DPEP3: variants seen among roughly 807,000 people sequenced by gnomAD.
The protein encoded by DPEP3 is membrane-bound dipeptidase 3.
A neutral mutation model predicts 47.5 loss-of-function variants in DPEP3; 42 were observed. That is an observed-to-expected ratio of 0.88 (90% CI 0.69 to 1.14). DPEP3 has a LOEUF of 1.14. DPEP3 is among the 50% of genes most tolerant of loss of function. The pLI, the probability that DPEP3 is intolerant of heterozygous loss-of-function variation, is 0.00. For synonymous variants in DPEP3, 276 were observed against 270.2 expected (o/e 1.02, Z -0.21); for missense variants, 560 against 635.0 (o/e 0.88, Z 1.27).
Position 67,980,371 on chromosome 16 carries a change from T to C in DPEP3, c.10A>G (p.Thr4Ala). MQP[T>A]GREGSRALSR... The stretch of plus-strand genomic sequence containing the variant: ...AGCGCGCGGGAACCCTCGCGGCCCG[T>C]GGGCTGCATGTTGCGCGGGGGTCGG... Residue 4 changes from threonine (T) to alanine (A), a missense_variant, in exon 1 of 10, where the codon ACG (threonine) becomes GCG (alanine). Transcript: ENST00000268793. 1 of 1,535,304 alleles carries C rather than the reference T, an allele frequency of 6.5e-7. No homozygotes were observed. The highest frequency in any genetic ancestry group is 1.4e-5 in the African/African-American group (1 of 72,210).
At chr16:67,979,555 C>A in intron 2 of DPEP3, 84 bp downstream of exon 2, 1 of 1,574,518 alleles carries the variant, frequency 6.4e-7, no homozygotes. Flanking sequence ...TATTTAGTCA[C>A]CCAGAGGCTG....
chr16:67,977,623 C>G (rs778206541), intron 6 of DPEP3, 30 bp downstream of exon 6: 5 of 1,595,360 alleles, frequency 3.1e-6, no homozygotes, highest in Non-Finnish European at 2.6e-6. Context: ...ATAACACATG[C>G]CTAGTTTGAG....
Position 67,978,403 on chromosome 16 carries a change from T to G in DPEP3, c.550A>C (p.Asn184His). The change falls in exon 4 of 10, where the codon AAC (asparagine) becomes CAC (histidine). Residue 184 changes from asparagine to histidine, a missense_variant. Physicochemically the swap from Asn to His is moderately conservative, Grantham distance 68. Transcript: ENST00000268793. This position sits in a 1 kb window ranked among gnomAD's most constrained non-coding sequence, Gnocchi z 4.4. ...LELVTSAEGL[N>H]SSQKLACLIG... ...AGGCAGGCCAGCTTTTGAGAGCTGT[T>G]CAGACCTAGAAGGAGGTAGAGAGTC... is the stretch of plus-strand genomic sequence containing the variant. 1.9e-6 allele frequency: 3 copies of G among 1,613,998 alleles called. No individual in the cohort carries two copies. The highest frequency in any genetic ancestry group is 2.5e-6 in the Non-Finnish European group (3 of 1,179,890).
Position 67,978,733 on chromosome 16 carries a change from C to A in DPEP3, c.415-107G>T. On this transcript the variant is annotated intron_variant, in intron 2 of 9. Coordinates refer to ENST00000268793, the MANE Select transcript of DPEP3 (RefSeq NM_001370198.1). This position sits in a 1 kb window ranked among gnomAD's most constrained non-coding sequence, Gnocchi z 4.4. ...TAACACCCATTTGGGTCAGTGGCCC[C>A]AAGTGAGGCACTACATGACTCCATG... 7.5e-7 allele frequency: 1 copy of A among 1,325,582 alleles called. No homozygotes were observed. The highest frequency in any genetic ancestry group is 1.0e-6 in the Non-Finnish European group (1 of 954,052). 82.1% of individuals were successfully genotyped at this position (1,325,582 alleles called of 1,614,324 possible). A position where few individuals can be genotyped will look rare whatever the true frequency, so the allele number is the denominator to read the frequency against.
Position 67,975,985 on chromosome 16 carries a change from C to T in DPEP3, c.1247G>A (p.Arg416Lys). The change falls in exon 10 of 10, where the codon AGG becomes AAG. Residue 416 changes from arginine (R) to lysine (K), a missense_variant. Arg to Lys is a conservative substitution (Grantham distance 26). Transcript: ENST00000268793. The stretch of plus-strand genomic sequence containing the variant: ...CTCAGCCTCCACGGGGCTCTGCGCC[C>T]TGCTCTCCTCTCTCACCTGGGGGAG... ...RQVEKVREESRAQSPVEAEFP... is the reference protein window; with the variant it reads ...RQVEKVREESKAQSPVEAEFP... 1.2e-6 allele frequency: 2 copies of T among 1,613,980 alleles called. No individual in the cohort carries two copies. The highest frequency in any genetic ancestry group is 1.7e-6 in the Non-Finnish European group (2 of 1,179,850).
intron 1 of DPEP3, 58 bp from the exon 2 acceptor site, chr16:67,979,823 G>A: frequency 6.2e-7 from 1 of 1,601,514 alleles, no homozygotes; most frequent in Non-Finnish European, 8.5e-7. Flanking sequence ...GATATATCAG[G>A]TGCTTGGGTC....
intron 7 of DPEP3, 32 bp from the exon 8 acceptor site, chr16:67,976,807 G>A: frequency 1.9e-6 from 3 of 1,596,698 alleles, no homozygotes; most frequent in Non-Finnish European, 2.6e-6. Flanking sequence ...GCAGCACTAG[G>A]CTAGTTAGAC....
chr16:67,978,896 A>G lies in DPEP3; in HGVS notation c.415-270T>C, dbSNP rs1258872620. ...AGCCTTGACCCCCCAGGCTCAAACA[A>G]TCCTCCTGCCTCAGCCTCCCAAAGT... On this transcript the variant is annotated intron_variant, in intron 2 of 9. Coordinates refer to ENST00000268793, the MANE Select transcript of DPEP3 (RefSeq NM_001370198.1). The surrounding 1 kb of genome is among the most constrained non-coding windows in gnomAD (Gnocchi z 4.4). 3.3e-5 allele frequency among the ~76,000 whole-genome samples: 5 copies of G among 151,988 alleles called. No individual in the cohort carries two copies. Among genetic ancestry groups the G allele is most frequent in the South Asian group, 4.2e-4 (2 of 4,816 alleles).
rs1044111863 is a variant in DPEP3 at position 67,978,660 on chromosome 16, A to G, written c.415-34T>C. The G allele has an allele frequency of 3.1e-6, 5 of 1,611,014 alleles. No homozygotes were observed. In the African/African-American group the frequency reaches 6.7e-5, roughly 22 times the overall value. ...AGGTCAAGGGGTCCAGAATGAGGCC[A>G]GGGCGGTCTTCAACCCCCTAGGCCT... is the stretch of plus-strand genomic sequence containing the variant. On this transcript the variant is annotated intron_variant, in intron 2 of 9. Transcript: ENST00000268793. This position sits in a 1 kb window ranked among gnomAD's most constrained non-coding sequence, Gnocchi z 4.4.
Position 67,975,745 on chromosome 16 carries a change from C to A in DPEP3, c.*20G>T. ...CTTTGTGAGGCTTTGCCACAGTGAC[C>A]TCTGCGGGGACCGACTGTGTCAGCA... On this transcript the variant is annotated 3_prime_UTR_variant, in exon 10 of 10. Coordinates refer to ENST00000268793, the MANE Select transcript of DPEP3 (RefSeq NM_001370198.1). 1.9e-6 allele frequency: 3 copies of A among 1,599,246 alleles called. No homozygotes were observed. In the South Asian group the frequency reaches 3.4e-5, roughly 18 times the overall value.
rs761435811 is a variant in DPEP3, at chr16:67,977,346, G to A, written c.942C>T (p.Asn314=). 15 of 1,613,614 alleles carry A rather than the reference G, an allele frequency of 9.3e-6. No individual in the cohort carries two copies. The highest frequency in any genetic ancestry group is 2.2e-5 in the East Asian group (1 of 44,896). The change falls in exon 7 of 10, where the codon AAC becomes AAT. Residue 314 remains asparagine, a synonymous_variant. Coordinates refer to ENST00000268793, the MANE Select transcript of DPEP3 (RefSeq NM_001370198.1). ...ACAGTGTCACCATCACGATGCCACC[G>A]TTCTTCTTCTAGAGGGATAAAGGGA... ...PDDILQLLKK[N]GGIVMVTLSM... is the part of the protein sequence containing the mutation.
At position 67,976,213 on chromosome 16, in the gene DPEP3, C is replaced by T; in HGVS notation, c.1110G>A (p.Leu370=). 4 of 1,614,198 alleles carry T rather than the reference C, an allele frequency of 2.5e-6. No homozygotes were observed. Among genetic ancestry groups the T allele is most frequent in the Non-Finnish European group, 3.4e-6 (4 of 1,180,018 alleles). The change falls in exon 9 of 10, where the codon CTG becomes CTA. Residue 370 remains leucine, a synonymous_variant. Coordinates refer to ENST00000268793, the MANE Select transcript of DPEP3 (RefSeq NM_001370198.1). The part of the protein sequence containing the change: ...YDGTGRFPQG[L]EDVSTYPVLI... ...GGACTGGGTATGTGGACACATCCTC[C>T]AGCCCCTGAGGGAACCTGTGTGGCC...
Position 67,979,722 on chromosome 16 carries a change from C to T in DPEP3, c.331G>A (p.Val111Met), listed in dbSNP as rs761053221. 7 of 1,614,108 alleles carry T rather than the reference C, an allele frequency of 4.3e-6. No homozygotes were observed. The highest frequency in any genetic ancestry group is 5.1e-6 in the Non-Finnish European group (6 of 1,179,990). Reference protein sequence around the residue: ...PQVLRQRYKNVLQDVNLRNFS... With the variant: ...PQVLRQRYKNMLQDVNLRNFS... ...TTTCGCAGGTTAACATCCTGAAGCA[C>T]ATTCTTGTAACGCTGTCTCAGGACC... is the stretch of plus-strand genomic sequence containing the variant. Residue 111 changes from valine (V) to methionine (M), a missense_variant, in exon 2 of 10, where the codon GTG becomes ATG. Physicochemically the swap from Val to Met is conservative, Grantham distance 21. Coordinates refer to ENST00000268793, the MANE Select transcript of DPEP3 (RefSeq NM_001370198.1).
chr16:67,979,718 A>G lies in DPEP3; in HGVS notation c.335T>C (p.Leu112Pro). 6.2e-7 allele frequency: 1 copy of G among 1,614,152 alleles called. No individual in the cohort carries two copies. The highest frequency in any genetic ancestry group is 8.5e-7 in the Non-Finnish European group (1 of 1,180,004). ...GAAATTTCGCAGGTTAACATCCTGA[A>G]GCACATTCTTGTAACGCTGTCTCAG... ...QVLRQRYKNV[L>P]QDVNLRNFSH... is the part of the protein sequence containing the mutation. The change falls in exon 2 of 10, where the codon CTT (leucine) becomes CCT (proline). Residue 112 changes from leucine to proline, a missense_variant. Coordinates refer to ENST00000268793, the MANE Select transcript of DPEP3 (RefSeq NM_001370198.1).
At position 67,978,204 on chromosome 16, in the gene DPEP3, T is replaced by TG. The variant is rs2031242678; in HGVS notation, c.686+62dup. 1 of 1,610,364 alleles carries TG rather than the reference T, an allele frequency of 6.2e-7. No individual in the cohort carries two copies. The highest frequency in any genetic ancestry group is 1.7e-4 in the Middle Eastern group (1 of 6,048). On this transcript the variant is annotated intron_variant, in intron 4 of 9. Coordinates refer to ENST00000268793, the MANE Select transcript of DPEP3 (RefSeq NM_001370198.1). The surrounding 1 kb of genome is among the most constrained non-coding windows in gnomAD (Gnocchi z 4.4). ...ATCCTCAACGGCTTGGTCACACCCA[T>TG]GCCAGGAATGGGGCAGTTTCCACAC...
intron 8 of DPEP3, among the ~76,000 whole-genome samples, chr16:67,976,474 C>A (rs1253095832): frequency 6.6e-6 from 1 of 152,136 alleles, no homozygotes; most frequent in Non-Finnish European, 1.5e-5. Context: ...GCCCTGCCTG[C>A]GGAGGGGAGT....
Position 67,977,369 on chromosome 16 carries a change from G to A in DPEP3, c.934-15C>T. 6.2e-7 allele frequency: 1 copy of A among 1,612,408 alleles called. No individual in the cohort carries two copies. The highest frequency in any genetic ancestry group is 1.1e-5 in the South Asian group (1 of 90,914). On this transcript the variant is annotated splice_polypyrimidine_tract_variant and intron_variant, in intron 6 of 9. Transcript: ENST00000268793. ...CCGTTCTTCTTCTAGAGGGATAAAGGGATACTCATCTCAGCCCTTCTGGCC... is the reference window on the plus strand; with the variant it reads ...CCGTTCTTCTTCTAGAGGGATAAAGAGATACTCATCTCAGCCCTTCTGGCC...
chr16:67,978,752 C>A lies in DPEP3; in HGVS notation c.415-126G>T. The A allele has an allele frequency of 9.6e-7, 1 of 1,046,328 alleles. No homozygotes were observed. Among genetic ancestry groups the A allele is most frequent in the Non-Finnish European group, 1.4e-6 (1 of 717,452 alleles). 64.8% of individuals were successfully genotyped at this position (1,046,328 alleles called of 1,614,324 possible). On this transcript the variant is annotated intron_variant, in intron 2 of 9. Transcript: ENST00000268793. This position sits in a 1 kb window ranked among gnomAD's most constrained non-coding sequence, Gnocchi z 4.4. ...TGGCCCCAAGTGAGGCACTACATGA[C>A]TCCATGGTACCTTGATGACTTTTTT...
chr16:67,976,351 C>A (rs1207604913), intron 8 of DPEP3, 123 bp from the exon 9 acceptor site: 9 of 1,368,070 alleles, frequency 6.6e-6, no homozygotes, highest in African/African-American at 2.9e-5. Flanking sequence ...CTAGTGAATG[C>A]AACCTTGGAG....
Sources: allele counts gnomAD v4.1 joint callset (sites outside exome capture counted in the v4.1 genomes callset), GRCh38; gene constraint gnomAD v4.1.1; non-coding constraint Gnocchi (gnomAD v3.1); transcripts MANE v1.5; gene names NCBI Gene and HGNC (gene_info 2026-07-23, HGNC 2026-07-21).